The following AMY2B variants were observed in gnomAD, a reference collection of about 807,000 sequenced individuals.
AMY2B encodes alpha-amylase 2B.
A neutral mutation model predicts 59.3 loss-of-function variants in AMY2B; 63 were observed. The observed-to-expected ratio is 1.06, with a 90% CI of 0.87 to 1.31. AMY2B has a LOEUF of 1.31. AMY2B is among the 50% of genes most tolerant of loss of function. AMY2B has a pLI of 0.00. For missense variants in AMY2B, 635 were observed against 626.7 expected, an observed-to-expected ratio of 1.01 and a Z score of -0.14; for synonymous variants, 180 against 198.1, an observed-to-expected ratio of 0.91 and a Z score of 0.77.
At chr1:103,561,018 A>G (rs1557765539) in intron 1 of AMY2B, among the ~76,000 whole-genome samples, 1 of 152,180 alleles carries the variant, frequency 6.6e-6, no homozygotes, top group Non-Finnish European at 1.5e-5. Context: ...AAATGAGGAT[A>G]ATCATATTTC....
At position 103,579,422 on chromosome 1, in the gene AMY2B, C is replaced by G; in HGVS notation, c.1458C>G (p.Asp486Glu). The G allele has an allele frequency of 6.2e-7, 1 of 1,611,724 alleles. No individual in the cohort carries two copies. The highest frequency in any genetic ancestry group is 1.1e-5 in the South Asian group (1 of 90,986). Residue 486 changes from aspartate (D) to glutamate (E), a missense_variant, in exon 10 of 10, where the codon GAC (aspartate) becomes GAG (glutamate). Coordinates refer to ENST00000684275, the MANE Select transcript of AMY2B (RefSeq NM_001387437.1). ...NCTGIKIYVS[D>E]DGKAHFSISN... ...CAGGCATTAAAATCTACGTTTCTGA[C>G]GATGGCAAAGCTCATTTTTCTATTA...
At chr1:103,570,660 C>T (rs146220621), upstream of AMY2B, 143 of 585,610 alleles carry the variant, frequency 2.4e-4, 1 homozygote, top group African/African-American at 2.4e-3. Context: ...CATCGTCCAC[C>T]GCAAATGCTT....
At chr1:103,577,252 G>C in intron 7 of AMY2B, 1 of 826,864 alleles carries the variant, frequency 1.2e-6, no homozygotes, top group South Asian at 1.9e-5. Flanking sequence ...TCCTTGGAAT[G>C]AAAAGGAGAG....
At chr1:103,568,418 A>G (rs1021294285), upstream of AMY2B, 5 of 152,328 alleles carry the variant, frequency 3.3e-5, no homozygotes, top group African/African-American at 7.2e-5. Context: ...TCCTACTACT[A>G]TATGCACTAT....
chr1:103,573,777 G>A lies in AMY2B; in HGVS notation c.583G>A (p.Ala195Thr), dbSNP rs780514402. ...GAAAGATTATGTGCGTTCCAAGATT[G>A]CCGAATATATGAATCATCTCATTGA... ...LEKDYVRSKI[A>T]EYMNHLIDIG... The change falls in exon 4 of 10, where the codon GCC becomes ACC. Residue 195 changes from alanine to threonine, a missense_variant. By Grantham distance (58) the Ala-to-Thr change is moderately conservative. Transcript: ENST00000684275. 3.7e-6 allele frequency: 6 copies of A among 1,613,680 alleles called. No homozygotes were observed. The highest frequency in any genetic ancestry group is 4.2e-6 in the Non-Finnish European group (5 of 1,179,760).
At chr1:103,569,889 A>G (rs1033076651), upstream of AMY2B, 4 of 461,210 alleles carry the variant, frequency 8.7e-6, no homozygotes, top group African/African-American at 6.0e-5. Flanking sequence ...CTGAACCTCA[A>G]GGCCAACAGA....
At chr1:103,573,400 A>G (rs1652216309) in intron 3 of AMY2B, 140 bp downstream of exon 3, 1 of 1,435,822 alleles carries the variant, frequency 7.0e-7, no homozygotes, top group African/African-American at 1.4e-5. Flanking sequence ...TACTTTAAGA[A>G]ACTCAAATCC....
intron 1 of AMY2B, 100 bp downstream of exon 1, chr1:103,571,870 G>A: frequency 6.2e-7 from 1 of 1,607,512 alleles, no homozygotes; most frequent in African/African-American, 1.3e-5. Flanking sequence ...TTACTTCACA[G>A]GTAAGTATTC....
rs576493727 is a variant in AMY2B at position 103,577,841 on chromosome 1, G to A, written c.1342G>A (p.Asp448Asn). 3 of 1,602,452 alleles carry A rather than the reference G, an allele frequency of 1.9e-6. No individual in the cohort carries two copies. Among genetic ancestry groups the A allele is most frequent in the Non-Finnish European group, 2.5e-6 (3 of 1,179,692 alleles). ...NRGFIVFNND[D>N]WTFSLTLQTG... ...AGGATTCATTGTTTTCAACAATGAT[G>A]ACTGGTAAGTACATATCAATTAAAA... is the stretch of plus-strand genomic sequence containing the variant. The change falls in exon 9 of 10, where the codon GAC (aspartate) becomes AAC (asparagine). Residue 448 changes from aspartate (D) to asparagine (N), a missense_variant. By Grantham distance (23) the Asp-to-Asn change is conservative (BLOSUM62 1). Coordinates refer to ENST00000684275, the MANE Select transcript of AMY2B (RefSeq NM_001387437.1).
Position 103,571,668 on chromosome 1 carries a change from A to G in AMY2B, c.66A>G (p.Gln22=). ...FCWAQYSPNT[Q]QGRTSIVHLF... is the part of the protein sequence containing the mutation. ...GGGCTCAGTATTCCCCAAATACACA[A>G]CAAGGACGGACATCTATTGTTCATC... Residue 22 remains glutamine, a synonymous_variant, in exon 1 of 10, where the codon CAA becomes CAG. Transcript: ENST00000684275. 6.2e-7 allele frequency: 1 copy of G among 1,611,944 alleles called. No homozygotes were observed. Among genetic ancestry groups the G allele is most frequent in the South Asian group, 1.1e-5 (1 of 90,988 alleles).
At chr1:103,565,770 G>A (rs1651889993) in intron 2 of AMY2B, among the ~76,000 whole-genome samples, 1 of 152,104 alleles carries the variant, frequency 6.6e-6, no homozygotes, top group South Asian at 2.1e-4. Context: ...TGGATACTGG[G>A]AAGTGTCATT....
At chr1:103,562,686 T>G (rs569806703) in intron 1 of AMY2B, among the ~76,000 whole-genome samples, 17 of 151,396 alleles carry the variant, frequency 1.1e-4, no homozygotes, top group Non-Finnish European at 1.6e-4. Context: ...TTTTTTTTTT[T>G]TTTTGTCAAT....
chr1:103,575,423 T>A lies in AMY2B; in HGVS notation c.1002-18T>A. On this transcript the variant is annotated intron_variant, in intron 6 of 9. Coordinates refer to ENST00000684275, the MANE Select transcript of AMY2B (RefSeq NM_001387437.1). The stretch of plus-strand genomic sequence containing the variant: ...GATATTCTGATATTCTGTGATAATA[T>A]AATTATGTAACTTTCAGGCTGTATA... The A allele has an allele frequency of 1.2e-6, 2 of 1,613,348 alleles. No individual in the cohort carries two copies. The highest frequency in any genetic ancestry group is 1.7e-6 in the Non-Finnish European group (2 of 1,179,616).
At chr1:103,571,329 A>G (rs550458711), upstream of AMY2B, 67 of 917,536 alleles carry the variant, frequency 7.3e-5, no homozygotes, top group Middle Eastern at 3.6e-4. Flanking sequence ...ACGTGAGAAC[A>G]TTAGGCCCCA....
At chr1:103,570,457 A>G (rs1652081339), upstream of AMY2B, 3 of 739,582 alleles carry the variant, frequency 4.1e-6, no homozygotes, top group Non-Finnish European at 7.3e-6. Context: ...TCTGGTGGCA[A>G]CATGTACCCA....
chr1:103,562,606 T>G (rs554993600), intron 1 of AMY2B, among the ~76,000 whole-genome samples: 1 of 152,056 alleles, frequency 6.6e-6, no homozygotes, highest in East Asian at 1.9e-4. Flanking sequence ...ACACTTAAAT[T>G]ACTTCCAAAG....
intron 1 of AMY2B, among the ~76,000 whole-genome samples, chr1:103,557,169 C>CACACAT (rs1553194891): frequency 6.6e-5 from 10 of 151,232 alleles, no homozygotes; most frequent in Non-Finnish European, 8.9e-5. Flanking sequence ...CACACACACA[C>CACACAT]ACATACATAC....
At chr1:103,569,246 A>G (rs1036126589), upstream of AMY2B, 1 of 152,282 alleles carries the variant, frequency 6.6e-6, no homozygotes, top group African/African-American at 2.4e-5. Context: ...ATATACATAT[A>G]TACACACACG....
intron 1 of AMY2B, among the ~76,000 whole-genome samples, chr1:103,561,019 A>G (rs377437458): frequency 6.6e-6 from 1 of 152,248 alleles, no homozygotes. Context: ...AATGAGGATA[A>G]TCATATTTCT....
Sources: allele counts gnomAD v4.1 joint callset (sites outside exome capture counted in the v4.1 genomes callset), GRCh38; gene constraint gnomAD v4.1.1; transcripts MANE v1.5; gene names NCBI Gene and HGNC (gene_info 2026-07-23, HGNC 2026-07-21).